SOX5: variants seen among roughly 807,000 people sequenced by gnomAD.
SOX5 encodes SRY-box transcription factor 5, also known as transcription factor SOX-5.
Under a neutral mutation model 92.0 loss-of-function variants are expected in SOX5, and 9 were observed. The ratio of observed to expected loss-of-function variants is 0.10; its 90% confidence interval spans 0.06 to 0.17. The LOEUF (loss-of-function observed/expected upper bound fraction) is 0.17, where lower values mean the gene tolerates loss of function less well. SOX5 is among the 10% of genes least tolerant of loss of function. The pLI is 1.00. For missense variants in SOX5, 642 were observed against 944.5 expected (o/e 0.68, Z 4.20); for synonymous variants, 344 against 336.3 (o/e 1.02, Z -0.25).
chr12:23,776,569 C>T (rs2095107076), intron 3 of SOX5, among the ~76,000 whole-genome samples: 1 of 152,164 alleles, frequency 6.6e-6, no homozygotes, highest in African/African-American at 2.4e-5. Flanking sequence ...TCCCTTAGAG[C>T]AGTGGTCCCC....
intron 2 of SOX5, among the ~76,000 whole-genome samples, chr12:23,881,307 CTCTA>C (rs1164519823): frequency 6.6e-6 from 1 of 152,164 alleles, no homozygotes; most frequent in Non-Finnish European, 1.5e-5. Flanking sequence ...ATGTAAATCT[CTCTA>C]TCCCTCTCTT....
intron 1 of SOX5, among the ~76,000 whole-genome samples, chr12:24,526,610 A>G (rs1042609647): frequency 2.0e-5 from 3 of 152,084 alleles, no homozygotes; most frequent in Non-Finnish European, 4.4e-5. Context: ...ACAAAAGCGC[A>G]AGAAGAAAGA....
At chr12:24,460,615 G>C (rs1943517942) in intron 1 of SOX5, 1 of 152,154 alleles carries the variant, frequency 6.6e-6, no homozygotes, top group African/African-American at 2.4e-5. Context: ...AAATCTCCCA[G>C]GTCCCTGTAA....
At chr12:24,168,268 A>T (rs1238450313) in intron 4 of SOX5, among the ~76,000 whole-genome samples, 2 of 152,210 alleles carry the variant, frequency 1.3e-5, no homozygotes, top group Non-Finnish European at 1.5e-5. Flanking sequence ...ATTGTAGTAA[A>T]TAACAACAAA....
intron 4 of SOX5, among the ~76,000 whole-genome samples, chr12:24,038,554 G>T (rs1160567829): frequency 6.6e-6 from 1 of 152,040 alleles, no homozygotes; most frequent in Non-Finnish European, 1.5e-5. Context: ...GACACAATGG[G>T]AACTTCAACC....
rs567066045 is a variant in SOX5 at position 23,533,236 on chromosome 12, C to T, written c.*983G>A. ...CCAACGTTATTCCTATTATTAGTAC[C>T]ATAATCACATACATACATACACACA... On this transcript the variant is annotated 3_prime_UTR_variant, in exon 15 of 15. Coordinates refer to ENST00000451604, the MANE Select transcript of SOX5 (RefSeq NM_006940.6). 1.1e-4 allele frequency: 51 copies of T among 453,700 alleles called. No individual in the cohort carries two copies. Among genetic ancestry groups the T allele is most frequent in the South Asian group, 7.8e-4 (50 of 64,162 alleles). The allele number at this position is 453,700 out of a possible 1,614,324, so 28.1% of individuals were successfully genotyped here. A position where few individuals can be genotyped will look rare whatever the true frequency, so the allele number is the denominator to read the frequency against.
At chr12:23,947,313 G>T (rs566261338) in intron 1 of SOX5, among the ~76,000 whole-genome samples, 2 of 151,892 alleles carry the variant, frequency 1.3e-5, no homozygotes, top group South Asian at 4.1e-4. Flanking sequence ...CAATAGAAAT[G>T]ACCTATTTAT....
intron 3 of SOX5, among the ~76,000 whole-genome samples, chr12:24,254,383 G>A (rs1168022924): frequency 1.4e-5 from 2 of 141,098 alleles, no homozygotes; most frequent in African/African-American, 2.7e-5. Flanking sequence ...ATTGTAAGTT[G>A]TAAAAAAAAA....
intron 1 of SOX5, among the ~76,000 whole-genome samples, chr12:24,473,412 A>G (rs769742750): frequency 3.3e-5 from 5 of 152,224 alleles, no homozygotes; most frequent in African/African-American, 1.2e-4. Flanking sequence ...AGCCCACAGA[A>G]GCCAGCTCTC....
chr12:24,475,262 A>G (rs148867065), intron 1 of SOX5, among the ~76,000 whole-genome samples: 2 of 152,344 alleles, frequency 1.3e-5, no homozygotes, highest in African/African-American at 4.8e-5. Flanking sequence ...TATCAAGTTA[A>G]TAATACATAT....
intron 4 of SOX5, among the ~76,000 whole-genome samples, chr12:23,988,889 T>G (rs1488779767): frequency 6.6e-6 from 1 of 152,090 alleles, no homozygotes; most frequent in Non-Finnish European, 1.5e-5. Flanking sequence ...ACCACTCCAG[T>G]GGGAGACATT....
chr12:23,818,350 G>A (rs903677398), intron 3 of SOX5, among the ~76,000 whole-genome samples: 1 of 152,150 alleles, frequency 6.6e-6, no homozygotes, highest in Non-Finnish European at 1.5e-5. Flanking sequence ...TAACACGACT[G>A]TAAGTATTTG....
intron 2 of SOX5, among the ~76,000 whole-genome samples, chr12:24,320,412 G>A (rs1463494814): frequency 6.6e-6 from 1 of 152,054 alleles, no homozygotes; most frequent in Non-Finnish European, 1.5e-5. Flanking sequence ...TAAATTGATT[G>A]TCCTCCACCA....
intron 4 of SOX5, among the ~76,000 whole-genome samples, chr12:24,000,543 A>G (rs1951499892): frequency 1.3e-5 from 2 of 152,118 alleles, no homozygotes; most frequent in South Asian, 2.1e-4. Context: ...CTAATAATTA[A>G]CTGTGTTTGT....
intron 1 of SOX5, among the ~76,000 whole-genome samples, chr12:23,933,828 T>A (rs986163113): frequency 6.6e-6 from 1 of 151,390 alleles, no homozygotes; most frequent in African/African-American, 2.4e-5. Flanking sequence ...GAGGTGGGAG[T>A]GCCCTCAATC....
chr12:23,805,433 A>G (rs2095752573), intron 3 of SOX5, among the ~76,000 whole-genome samples: 1 of 150,952 alleles, frequency 6.6e-6, no homozygotes. Flanking sequence ...GCAATGCCTG[A>G]AAAAAAAACA....
intron 3 of SOX5, among the ~76,000 whole-genome samples, chr12:24,255,866 T>C (rs1284142795): frequency 6.6e-6 from 1 of 152,192 alleles, no homozygotes; most frequent in Non-Finnish European, 1.5e-5. Context: ...CCATGACTTT[T>C]GAAATGGGAG....
chr12:23,835,676 T>C (rs1031982754), intron 3 of SOX5, among the ~76,000 whole-genome samples: 1 of 151,794 alleles, frequency 6.6e-6, no homozygotes, highest in Non-Finnish European at 1.5e-5. Flanking sequence ...TATTAAATAT[T>C]TCAGATAATA....
At chr12:23,666,390 T>C (rs914151395) in intron 6 of SOX5, among the ~76,000 whole-genome samples, 2 of 152,160 alleles carry the variant, frequency 1.3e-5, no homozygotes, top group South Asian at 2.1e-4. Flanking sequence ...TCCAGCACAA[T>C]AGAATCACTA....
Sources: gnomAD v4.1 joint callset for allele counts (sites outside exome capture counted in the v4.1 genomes callset) on GRCh38, gnomAD v4.1.1 for gene constraint, MANE v1.5 for transcripts, NCBI Gene and HGNC (gene_info 2026-07-23, HGNC 2026-07-21) for gene names.